PPP3CA: variants seen among roughly 807,000 people sequenced by gnomAD.
PPP3CA encodes CAM-PRP catalytic subunit.
A neutral mutation model predicts 66.5 loss-of-function variants in PPP3CA; 14 were observed. The observed-to-expected ratio is 0.21, with a 90% CI of 0.14 to 0.33. The LOEUF is 0.33. Among genes scored for constraint, PPP3CA ranks in the 10% least tolerant of loss-of-function variants. PPP3CA has a pLI of 1.00. For missense variants in PPP3CA, 317 were observed against 639.5 expected (o/e 0.50, Z 5.44); for synonymous variants, 232 against 226.2 (o/e 1.03, Z -0.23).
At chr4:101,176,446 A>G (rs972529610) in intron 2 of PPP3CA, among the ~76,000 whole-genome samples, 1 of 152,204 alleles carries the variant, frequency 6.6e-6, no homozygotes, top group African/African-American at 2.4e-5. Context: ...CCACAAGAGC[A>G]TCTAGAAGAC....
At chr4:101,083,310 A>G in intron 6 of PPP3CA, 47 bp from the exon 7 acceptor site, 1 of 1,482,036 alleles carries the variant, frequency 6.7e-7, no homozygotes, top group Non-Finnish European at 9.4e-7. Flanking sequence ...GGAAATCATC[A>G]GGAGTAGCAC....
intron 4 of PPP3CA, 91 bp from the exon 5 acceptor site, chr4:101,098,603 G>A: frequency 8.1e-7 from 1 of 1,240,340 alleles, no homozygotes. Context: ...TTTCTTGCTA[G>A]GACCCTATTA....
At chr4:101,171,295 T>C (rs1723869978) in intron 2 of PPP3CA, 1 of 449,644 alleles carries the variant, frequency 2.2e-6, no homozygotes, top group African/African-American at 2.0e-5. Flanking sequence ...AACATGTATA[T>C]TCTTTAAAGC....
chr4:101,176,347 G>A lies in PPP3CA; in HGVS notation c.259+19569C>T, dbSNP rs994434242. Among the ~76,000 whole-genome samples the A allele has an allele frequency of 2.9e-4, 44 of 152,282 alleles. 1 individual carries two copies. Among genetic ancestry groups the A allele is most frequent in the African/African-American group, 1.0e-3 (43 of 41,560 alleles). ...ATTGCAAAAGCAACAATAACGTGCT[G>A]CAGAAGTAAAGTCATCACCTTCTCC... On this transcript the variant is annotated intron_variant, in intron 2 of 13. Coordinates refer to ENST00000394854, the MANE Select transcript of PPP3CA (RefSeq NM_000944.5).
At chr4:101,143,579 C>T (rs1021406739) in intron 2 of PPP3CA, among the ~76,000 whole-genome samples, 51 of 152,210 alleles carry the variant, frequency 3.4e-4, no homozygotes, top group African/African-American at 1.2e-3. Flanking sequence ...CAGTTACTTC[C>T]TAACTGTCAA....
intron 8 of PPP3CA, among the ~76,000 whole-genome samples, chr4:101,073,408 T>C (rs764579929): frequency 1.3e-5 from 2 of 151,668 alleles, no homozygotes; most frequent in Non-Finnish European, 2.9e-5. Context: ...TCCCGAATAG[T>C]TGGGACTACA....
In PPP3CA at chr4:101,063,355, C is replaced by T. The variant is rs1163377552; in HGVS notation, c.958G>A (p.Ala320Thr). 1 of 1,603,400 alleles carries T rather than the reference C, an allele frequency of 6.2e-7. No individual in the cohort carries two copies. The highest frequency in any genetic ancestry group is 8.5e-7 in the Non-Finnish European group (1 of 1,174,568). Residue 320 changes from alanine (A) to threonine (T), a missense_variant and splice_region_variant, in exon 9 of 14, where the codon GCA (alanine) becomes ACA (threonine). By Grantham distance (58) the Ala-to-Thr change is moderately conservative. Coordinates refer to ENST00000394854, the MANE Select transcript of PPP3CA (RefSeq NM_000944.5). The part of the protein sequence containing the change: ...NYLDVYNNKA[A>T]VLKYENNVMN... ...ACATTGTTCTCATACTTCAATACTG[C>T]AGCTAAAAATAACCAAAAGAGGATG...
intron 1 of PPP3CA, among the ~76,000 whole-genome samples, chr4:101,236,163 G>A (rs1312111755): frequency 6.6e-6 from 1 of 151,960 alleles, no homozygotes; most frequent in African/African-American, 2.4e-5. Flanking sequence ...CAAATGCAAT[G>A]AAGGACACAG....
chr4:101,183,332 A>C (rs936468391), intron 2 of PPP3CA, among the ~76,000 whole-genome samples: 26 of 152,130 alleles, frequency 1.7e-4, no homozygotes, highest in Non-Finnish European at 2.1e-4. Context: ...TTTTAGTTGC[A>C]TGATCTGAAA....
At chr4:101,059,717 T>C (rs1420971410) in intron 10 of PPP3CA, among the ~76,000 whole-genome samples, 1 of 152,172 alleles carries the variant, frequency 6.6e-6, no homozygotes, top group African/African-American at 2.4e-5. Context: ...CTCACCATAA[T>C]ATCTAGTTTC....
intron 1 of PPP3CA, among the ~76,000 whole-genome samples, chr4:101,295,257 C>T (rs995360186): frequency 8.9e-5 from 13 of 145,764 alleles, no homozygotes; most frequent in Non-Finnish European, 1.2e-4. Flanking sequence ...GCCGAGATTG[C>T]GCCACTGCAG....
intron 1 of PPP3CA, among the ~76,000 whole-genome samples, chr4:101,252,035 A>T (rs768402098): frequency 1.3e-5 from 2 of 152,172 alleles, no homozygotes; most frequent in Admixed American, 1.3e-4. Flanking sequence ...CATACCCACA[A>T]TTCCCACGTG....
At chr4:101,290,573 A>AG (rs1578634543) in intron 1 of PPP3CA, among the ~76,000 whole-genome samples, 1 of 152,206 alleles carries the variant, frequency 6.6e-6, no homozygotes, top group Non-Finnish European at 1.5e-5. Flanking sequence ...CATATGCTGG[A>AG]CAGCGGATGG....
chr4:101,238,704 C>A (rs1419402194), intron 1 of PPP3CA, among the ~76,000 whole-genome samples: 1 of 151,946 alleles, frequency 6.6e-6, no homozygotes, highest in Non-Finnish European at 1.5e-5. Flanking sequence ...TTATCTCAGG[C>A]CACAAGCTAG....
chr4:101,067,823 A>C (rs1728748231), intron 8 of PPP3CA, among the ~76,000 whole-genome samples: 1 of 150,106 alleles, frequency 6.7e-6, no homozygotes, highest in Non-Finnish European at 1.5e-5. Flanking sequence ...AATAATAATA[A>C]TAATAATAAT....
At chr4:101,272,198 A>G (rs1727357441) in intron 1 of PPP3CA, among the ~76,000 whole-genome samples, 1 of 152,164 alleles carries the variant, frequency 6.6e-6, no homozygotes, top group African/African-American at 2.4e-5. Context: ...TTAATACTAC[A>G]TACCACTTAT....
intron 6 of PPP3CA, among the ~76,000 whole-genome samples, chr4:101,090,023 A>C (rs1209377215): frequency 6.6e-6 from 1 of 152,226 alleles, no homozygotes; most frequent in African/African-American, 2.4e-5. Flanking sequence ...TAAAACTGAG[A>C]GCTGTGGATC....
chr4:101,089,220 G>T (rs1729805458), intron 6 of PPP3CA, among the ~76,000 whole-genome samples: 1 of 151,852 alleles, frequency 6.6e-6, no homozygotes. Flanking sequence ...CTAGAGGAAA[G>T]TGTGAAGAAA....
At chr4:101,065,030 G>A (rs749838026) in intron 8 of PPP3CA, among the ~76,000 whole-genome samples, 16 of 151,882 alleles carry the variant, frequency 1.1e-4, no homozygotes, top group Non-Finnish European at 2.2e-4. Flanking sequence ...GATAGTGTAG[G>A]CAATACTGAT....
Sources: allele counts gnomAD v4.1 joint callset (sites outside exome capture counted in the v4.1 genomes callset), GRCh38; gene constraint gnomAD v4.1.1; transcripts MANE v1.5; gene names NCBI Gene and HGNC (gene_info 2026-07-23, HGNC 2026-07-21).